The following SULT1E1 variants were observed in gnomAD, a reference collection of about 807,000 sequenced individuals.
The protein encoded by SULT1E1 is sulfotransferase family 1E member 1, also known as sulfotransferase 1E1.
SULT1E1 carries 36 observed loss-of-function variants against 33.6 expected under a neutral mutation model. The ratio of observed to expected loss-of-function variants is 1.07; its 90% CI spans 0.82 to 1.41. The LOEUF is 1.41. Ranked by LOEUF, SULT1E1 falls within the 40% of genes most tolerant of loss-of-function variation. SULT1E1 has a pLI of 0.00. For synonymous variants in SULT1E1, 121 were observed against 111.7 expected, an observed-to-expected ratio of 1.08 and a Z score of -0.53; for missense variants, 371 against 345.7, an observed-to-expected ratio of 1.07 and a Z score of -0.58.
At chr4:69,834,327 G>T in the SULT1E1 span, among the ~76,000 whole-genome samples, 2 of 152,128 alleles carry the variant, frequency 1.3e-5, no homozygotes, top group African/African-American at 4.8e-5. Flanking sequence ...CTCAAACAAA[G>T]GGAGGAAAAG....
chr4:69,847,575 C>T, intron 6 of SULT1E1, 123 bp downstream of exon 6: 1 of 548,036 alleles, frequency 1.8e-6, no homozygotes. Context: ...TGGTCCTTTC[C>T]TTTTAAAAAT....
chr4:69,830,397 T>TA, the SULT1E1 span, among the ~76,000 whole-genome samples: 1 of 152,244 alleles, frequency 6.6e-6, no homozygotes, highest in Non-Finnish European at 1.5e-5. Context: ...GTATTTACCA[T>TA]ATGCTGATTT....
At chr4:69,834,241 A>C in the SULT1E1 span, among the ~76,000 whole-genome samples, 1 of 152,200 alleles carries the variant, frequency 6.6e-6, no homozygotes, top group Admixed American at 6.5e-5. Context: ...CTTACTGGAC[A>C]TCTTCCTTAG....
the SULT1E1 span, among the ~76,000 whole-genome samples, chr4:69,835,555 T>C: frequency 8.5e-5 from 13 of 152,206 alleles, no homozygotes; most frequent in African/African-American, 3.1e-4. Flanking sequence ...GTAAGGAAGA[T>C]AAAGGTGTAA....
intron 3 of SULT1E1, 50 bp downstream of exon 3, chr4:69,855,251 C>T (rs1411333098): frequency 5.1e-6 from 8 of 1,569,300 alleles, no homozygotes; most frequent in Non-Finnish European, 6.9e-6. Context: ...CATGTACATA[C>T]ACACCTTAGA....
chr4:69,846,063 G>A (rs1720970323), intron 6 of SULT1E1, among the ~76,000 whole-genome samples: 1 of 150,142 alleles, frequency 6.7e-6, no homozygotes, highest in South Asian at 2.1e-4. Context: ...TTGCTTTTTT[G>A]GTGATAGTAA....
rs1721053649 is a variant in SULT1E1 at position 69,849,477 on chromosome 4, T to C, written c.456A>G (p.Gly152=). Residue 152 remains glycine (G), a synonymous_variant, in exon 5 of 8, where the codon GGA becomes GGG. Coordinates refer to ENST00000226444, the MANE Select transcript of SULT1E1 (RefSeq NM_005420.3). ...FLMVAGHPNP[G]SFPEFVEKFM... is the part of the protein sequence containing the mutation. ...ATTTCTCCACAAACTCTGGAAAGGA[T>C]CCAGGATTTGGATGACCAGCCACCA... The C allele has an allele frequency of 1.2e-6, 2 of 1,611,780 alleles. No homozygotes were observed. The highest frequency in any genetic ancestry group is 1.7e-6 in the Non-Finnish European group (2 of 1,178,336).
Position 69,847,730 on chromosome 4 carries a change from C to T in SULT1E1, c.559G>A (p.Val187Ile), listed in dbSNP as rs1721008299. The T allele has an allele frequency of 6.2e-7, 1 of 1,608,780 alleles. No homozygotes were observed. Among genetic ancestry groups the T allele is most frequent in the Non-Finnish European group, 8.5e-7 (1 of 1,176,756 alleles). The change falls in exon 6 of 8, where the codon GTA becomes ATA. Residue 187 changes from valine to isoleucine, a missense_variant. Transcript: ENST00000226444. ...SWWEKGKSPR[V>I]LFLFYEDLKE... ...AGGTCTTCGTAGAAAAGAAATAGTA[C>T]ACGTGGACTCTTTCCCTTTTCCCAC...
the SULT1E1 span, among the ~76,000 whole-genome samples, chr4:69,831,314 C>G: frequency 6.6e-6 from 1 of 152,084 alleles, no homozygotes; most frequent in African/African-American, 2.4e-5. Flanking sequence ...CTTTTGGGTT[C>G]GGCTGCTTGG....
At chr4:69,859,051 T>C (rs547535799) in intron 1 of SULT1E1, among the ~76,000 whole-genome samples, 1 of 152,266 alleles carries the variant, frequency 6.6e-6, no homozygotes, top group Admixed American at 6.5e-5. Context: ...TGTCTCATAT[T>C]ACAATGTATG....
intron 6 of SULT1E1, among the ~76,000 whole-genome samples, chr4:69,844,772 A>G (rs1216218237): frequency 1.3e-5 from 2 of 152,146 alleles, no homozygotes; most frequent in Admixed American, 1.3e-4. Context: ...AAGATTAAGA[A>G]AAGGTGTAAA....
intron 4 of SULT1E1, among the ~76,000 whole-genome samples, chr4:69,851,523 A>G (rs370002426): frequency 6.6e-5 from 10 of 152,230 alleles, no homozygotes; most frequent in Non-Finnish European, 7.4e-5. Context: ...TACACTGTTG[A>G]TGGGACTGTA....
At chr4:69,847,467 TC>T (rs900995795) in intron 6 of SULT1E1, among the ~76,000 whole-genome samples, 9 of 151,712 alleles carry the variant, frequency 5.9e-5, no homozygotes, top group African/African-American at 1.9e-4. Flanking sequence ...TCAAATTTTT[TC>T]TTTGAAATTT....
At chr4:69,825,042 C>T in the SULT1E1 span, among the ~76,000 whole-genome samples, 5 of 152,160 alleles carry the variant, frequency 3.3e-5, no homozygotes, top group Non-Finnish European at 7.3e-5. Flanking sequence ...AGACCGCTAA[C>T]CCACCAGGAG....
chr4:69,840,405 T>C (rs1354967565), downstream of SULT1E1, among the ~76,000 whole-genome samples: 1 of 152,158 alleles, frequency 6.6e-6, no homozygotes, highest in Admixed American at 6.5e-5. Context: ...GTCTCCTCTG[T>C]GTTAGTGAAA....
chr4:69,827,321 G>A, the SULT1E1 span, among the ~76,000 whole-genome samples: 1 of 152,144 alleles, frequency 6.6e-6, no homozygotes, highest in South Asian at 2.1e-4. Context: ...TGAAGAAAGG[G>A]ACAAATTCCC....
the SULT1E1 span, among the ~76,000 whole-genome samples, chr4:69,829,853 G>A: frequency 6.6e-6 from 1 of 152,124 alleles, no homozygotes; most frequent in Non-Finnish European, 1.5e-5. Flanking sequence ...CTACCATAAA[G>A]TCCATCAACT....
the SULT1E1 span, among the ~76,000 whole-genome samples, chr4:69,830,667 A>G: frequency 6.6e-6 from 1 of 152,216 alleles, no homozygotes; most frequent in East Asian, 1.9e-4. Context: ...CTGGGCATTA[A>G]CTGTGTCTGC....
the SULT1E1 span, among the ~76,000 whole-genome samples, chr4:69,828,792 A>T: frequency 6.6e-6 from 1 of 152,324 alleles, no homozygotes; most frequent in Admixed American, 6.5e-5. Context: ...TTCAGAGCAG[A>T]TTTGAGCCTT....
Sources: allele counts gnomAD v4.1 joint callset (sites outside exome capture counted in the v4.1 genomes callset), GRCh38; gene constraint gnomAD v4.1.1; transcripts MANE v1.5; gene names NCBI Gene and HGNC (gene_info 2026-07-23, HGNC 2026-07-21).